The following ZHX3 variants were observed in gnomAD, a reference collection of about 807,000 sequenced individuals.
The protein encoded by ZHX3 is zinc fingers and homeoboxes protein 3.
A neutral mutation model predicts 64.5 loss-of-function variants in ZHX3; 20 were observed. The ratio of observed to expected loss-of-function variants is 0.31; its 90% CI spans 0.22 to 0.45. The LOEUF is 0.45. Ranked by LOEUF, ZHX3 falls within the 20% of genes least tolerant of loss-of-function variation. The probability of loss-of-function intolerance (pLI) is 1.00; values close to 1 mark genes in which losing one functional copy is unlikely to be tolerated. For missense variants in ZHX3, 1,041 were observed against 1,195.8 expected (o/e 0.87, Z 1.91); for synonymous variants, 423 against 461.6 (o/e 0.92, Z 1.07).
intron 2 of ZHX3, among the ~76,000 whole-genome samples, chr20:41,241,494 C>CA (rs2041376913): frequency 1.3e-5 from 2 of 152,186 alleles, no homozygotes; most frequent in Non-Finnish European, 2.9e-5. Flanking sequence ...CCTTGCTGTG[C>CA]AGAAGCTTTT....
At chr20:41,302,126 G>C (rs2044842130) in intron 1 of ZHX3, among the ~76,000 whole-genome samples, 1 of 148,342 alleles carries the variant, frequency 6.7e-6, no homozygotes, top group Non-Finnish European at 1.5e-5. Context: ...GTGCCCAACG[G>C]TTTACCTCAA....
At chr20:41,294,694 T>TA (rs904855249) in intron 1 of ZHX3, among the ~76,000 whole-genome samples, 6 of 152,084 alleles carry the variant, frequency 3.9e-5, no homozygotes, top group African/African-American at 1.4e-4. Context: ...TAAGATTTAA[T>TA]AAAAATCCAC....
rs2036627699 is a variant in ZHX3 at position 41,187,555 on chromosome 20, T to C, written c.2861-2354A>G. On this transcript the variant is annotated intron_variant, in intron 3 of 3. Coordinates refer to ENST00000683867, the MANE Select transcript of ZHX3 (RefSeq NM_001384317.1). ...ACTGTCTTTTCCCATTGAATGGTCTTTGCACCCCTGTCAAAAATCAATTGA... is the reference window on the plus strand; with the variant it reads ...ACTGTCTTTTCCCATTGAATGGTCTCTGCACCCCTGTCAAAAATCAATTGA... Among the ~76,000 whole-genome samples the C allele has an allele frequency of 2.0e-5, 3 of 152,146 alleles. No homozygotes were observed. The South Asian group carries it at 6.2e-4, about 32-fold the overall frequency.
intron 2 of ZHX3, among the ~76,000 whole-genome samples, chr20:41,261,509 C>T (rs1483309638): frequency 6.6e-6 from 1 of 152,156 alleles, no homozygotes; most frequent in Non-Finnish European, 1.5e-5. Context: ...CTGGCCACTG[C>T]CCCTGAAGGA....
At position 41,266,877 on chromosome 20, in the gene ZHX3, G is replaced by T. The variant is rs2042885488; in HGVS notation, c.-151+2113C>A. On this transcript the variant is annotated intron_variant, in intron 2 of 3. Coordinates refer to ENST00000683867, the MANE Select transcript of ZHX3 (RefSeq NM_001384317.1). ...TTTTTTTTTTTTTTTTTTTAAGATGGAATCTCACTCTGTTGTCCAGACTGG... is the reference window on the plus strand; with the variant it reads ...TTTTTTTTTTTTTTTTTTTAAGATGTAATCTCACTCTGTTGTCCAGACTGG... Among the ~76,000 whole-genome samples, 8 of 97,054 alleles carry T rather than the reference G, an allele frequency of 8.2e-5. No homozygotes were observed. The South Asian group carries it at 1.1e-3, about 14-fold the overall frequency. 63.7% of individuals were successfully genotyped at this position (97,054 alleles called of 152,430 possible).
rs1370359458 is a variant in ZHX3, at chr20:41,181,781, AGAT to A, written c.*3407_*3409del. On this transcript the variant is annotated 3_prime_UTR_variant, in exon 4 of 4. Coordinates refer to ENST00000683867, the MANE Select transcript of ZHX3 (RefSeq NM_001384317.1). ...GGGACGGCCTCCCAAGGCTAGCTGG[AGAT>A]GAGACCACTAGTACATGTGTGAGCC... 1 of 152,294 alleles carries A rather than the reference AGAT, an allele frequency of 6.6e-6. No individual in the cohort carries two copies. The highest frequency in any genetic ancestry group is 1.9e-4 in the East Asian group (1 of 5,190). 9.4% of individuals were successfully genotyped at this position (152,294 alleles called of 1,614,324 possible).
intron 1 of ZHX3, among the ~76,000 whole-genome samples, chr20:41,290,864 C>A (rs1600644221): frequency 6.6e-6 from 1 of 152,176 alleles, no homozygotes; most frequent in Non-Finnish European, 1.5e-5. Flanking sequence ...GTTACCATCT[C>A]CTCTCCCACT....
intron 1 of ZHX3, chr20:41,271,891 G>C (rs1173575165): frequency 6.6e-6 from 1 of 152,024 alleles, no homozygotes; most frequent in Non-Finnish European, 1.5e-5. Context: ...AATGATTTTA[G>C]AAAGTATTAC....
chr20:41,241,215 G>C (rs977403185), intron 2 of ZHX3, among the ~76,000 whole-genome samples: 1 of 152,166 alleles, frequency 6.6e-6, no homozygotes, highest in Non-Finnish European at 1.5e-5. Flanking sequence ...TTTAACTGGG[G>C]TGAGGTGATA....
rs2038765804 is a variant in ZHX3, at chr20:41,206,969, G to T, written c.-150-1903C>A. 2.0e-5 allele frequency among the ~76,000 whole-genome samples: 3 copies of T among 152,202 alleles called. No homozygotes were observed. The South Asian group carries it at 6.2e-4, about 31-fold the overall frequency. On this transcript the variant is annotated intron_variant, in intron 2 of 3. Transcript: ENST00000683867. ...GGATCTCTCGGCAGAAACTCTACAA[G>T]CCAGAAGAGAAGTGGGGGCCGATAT...
Position 41,308,074 on chromosome 20 carries a change from G to A in ZHX3, c.-245+9435C>T, listed in dbSNP as rs531085810. ...CCTGCAAGGGTTCCTGAGCTCTGAC[G>A]GGAGGAAAAGTGTGACATTAAAGAA... is the stretch of plus-strand genomic sequence containing the variant. On this transcript the variant is annotated intron_variant, in intron 1 of 3. Coordinates refer to ENST00000683867, the MANE Select transcript of ZHX3 (RefSeq NM_001384317.1). Among the ~76,000 whole-genome samples, 72 of 152,250 alleles carry A rather than the reference G, an allele frequency of 4.7e-4. 1 individual carries two copies. The Middle Eastern group carries it at 0.01, about 22-fold the overall frequency.
intron 3 of ZHX3, among the ~76,000 whole-genome samples, chr20:41,189,550 C>T (rs2036824327): frequency 6.6e-6 from 1 of 152,124 alleles, no homozygotes; most frequent in Non-Finnish European, 1.5e-5. Context: ...TCTTTCACTT[C>T]CTTGATTAAA....
chr20:41,311,167 T>C (rs1047098284), intron 1 of ZHX3, among the ~76,000 whole-genome samples: 12 of 152,184 alleles, frequency 7.9e-5, no homozygotes, highest in African/African-American at 2.9e-4. Flanking sequence ...ACTAAGTTAG[T>C]TATTGTCTGT....
chr20:41,196,361 AATAT>A (rs922131449), intron 3 of ZHX3, among the ~76,000 whole-genome samples: 2 of 80,628 alleles, frequency 2.5e-5, no homozygotes, highest in African/African-American at 4.8e-5. Flanking sequence ...ATATCTTATA[AATAT>A]ATATATTTAT....
chr20:41,187,788 T>C (rs2036651260), intron 3 of ZHX3, among the ~76,000 whole-genome samples: 1 of 152,234 alleles, frequency 6.6e-6, no homozygotes, highest in Non-Finnish European at 1.5e-5. Flanking sequence ...GGATTATTCT[T>C]TTATAATTGA....
At chr20:41,243,329 C>T (rs766414784) in intron 2 of ZHX3, among the ~76,000 whole-genome samples, 65 of 152,082 alleles carry the variant, frequency 4.3e-4, no homozygotes, top group Non-Finnish European at 6.9e-4. Context: ...TTAAGATTGC[C>T]GCTATCAAGG....
chr20:41,192,082 G>A (rs2037068594), intron 3 of ZHX3, among the ~76,000 whole-genome samples: 1 of 152,214 alleles, frequency 6.6e-6, no homozygotes, highest in African/African-American at 2.4e-5. Flanking sequence ...GGCAGTGACA[G>A]TGTTGAAATG....
At chr20:41,211,692 C>T (rs1415431089) in intron 2 of ZHX3, among the ~76,000 whole-genome samples, 1 of 152,050 alleles carries the variant, frequency 6.6e-6, no homozygotes, top group Non-Finnish European at 1.5e-5. Flanking sequence ...TAATAATGTA[C>T]CACAATGAAT....
intron 2 of ZHX3, among the ~76,000 whole-genome samples, chr20:41,252,781 A>G (rs1201604407): frequency 2.0e-5 from 3 of 152,226 alleles, no homozygotes; most frequent in African/African-American, 7.2e-5. Flanking sequence ...GTCCCCTATT[A>G]GAGGTTTATA....
Sources: gnomAD v4.1 joint callset for allele counts (sites outside exome capture counted in the v4.1 genomes callset) on GRCh38, gnomAD v4.1.1 for gene constraint, MANE v1.5 for transcripts, NCBI Gene and HGNC (gene_info 2026-07-23, HGNC 2026-07-21) for gene names.